PSKH2: variants seen among roughly 807,000 people sequenced by gnomAD.
PSKH2 encodes the protein protein serine kinase H2.
A neutral mutation model predicts 22.5 loss-of-function variants in PSKH2; 16 were observed. The observed-to-expected ratio is 0.71, with a 90% CI of 0.48 to 1.08. PSKH2 has a LOEUF of 1.08. PSKH2 is among the 50% of genes least tolerant of loss of function. PSKH2 has a pLI of 0.00. For missense variants in PSKH2, 516 were observed against 492.8 expected, an observed-to-expected ratio of 1.05 and a Z score of -0.44; for synonymous variants, 188 against 184.8, an observed-to-expected ratio of 1.02 and a Z score of -0.14.
chr8:86,063,701 C>T (rs747377399), intron 2 of PSKH2, among the ~76,000 whole-genome samples: 30 of 152,196 alleles, frequency 2.0e-4, no homozygotes, highest in Non-Finnish European at 3.5e-4. Flanking sequence ...AATGGAGGCC[C>T]TTGCTATCTT....
rs1240522039 is a variant in PSKH2 at position 86,048,598 on chromosome 8, A to G, written c.1022T>C (p.Met341Thr). 2.5e-6 allele frequency: 4 copies of G among 1,613,996 alleles called. No individual in the cohort carries two copies. The highest frequency in any genetic ancestry group is 1.6e-4 in the Middle Eastern group (1 of 6,084). ...CTGAGAGTGGGGAGAGGCCCTCTGCATGAGGTTTCGGGATATGGCCCTCTG... is the reference window on the plus strand; with the variant it reads ...CTGAGAGTGGGGAGAGGCCCTCTGCGTGAGGTTTCGGGATATGGCCCTCTG... ...NLQRAISRNL[M>T]QRASPHSQSP... Residue 341 changes from methionine (M) to threonine (T), a missense_variant, in exon 3 of 3, where the codon ATG (methionine) becomes ACG (threonine). Met to Thr is a moderately conservative substitution (Grantham distance 81). Transcript: ENST00000276616.
Position 86,069,382 on chromosome 8 carries a change from C to A in PSKH2, c.185+56G>T, listed in dbSNP as rs1586068647. 1.9e-5 allele frequency: 28 copies of A among 1,471,968 alleles called. 1 individual carries two copies. In the East Asian group the frequency reaches 6.9e-4, roughly 36 times the overall value. The allele number at this position is 1,471,968 out of a possible 1,614,324, so 91.2% of individuals were successfully genotyped here. On this transcript the variant is annotated intron_variant, in intron 1 of 2. Coordinates refer to ENST00000276616, the MANE Select transcript of PSKH2 (RefSeq NM_033126.3). ...AAGGGAACCTCGAGGCGGTCTTGGC[C>A]AGGGGTTTTTCTTTGTCAGCCCAGT...
At chr8:86,060,400 C>G (rs928336149) in intron 2 of PSKH2, among the ~76,000 whole-genome samples, 1 of 152,128 alleles carries the variant, frequency 6.6e-6, no homozygotes, top group Middle Eastern at 3.4e-3. Context: ...CAGTGGTCAC[C>G]TGGTTTTAAA....
chr8:86,052,126 C>T (rs1350516143), intron 2 of PSKH2, among the ~76,000 whole-genome samples: 1 of 151,972 alleles, frequency 6.6e-6, no homozygotes, highest in Non-Finnish European at 1.5e-5. Context: ...TTTAATAGTG[C>T]TATATAACCA....
intron 2 of PSKH2, among the ~76,000 whole-genome samples, chr8:86,051,377 G>GC (rs902697579): frequency 6.6e-6 from 1 of 152,048 alleles, no homozygotes; most frequent in Non-Finnish European, 1.5e-5. Context: ...CGTAAACACT[G>GC]CCCCCCGCCT....
At chr8:86,063,878 A>G in intron 2 of PSKH2, 87 bp downstream of exon 2, 1 of 1,085,996 alleles carries the variant, frequency 9.2e-7, no homozygotes, top group Non-Finnish European at 1.3e-6. Context: ...AACCCCAAAA[A>G]TCATCCAGTC....
chr8:86,065,174 T>G (rs1336858154), intron 1 of PSKH2, among the ~76,000 whole-genome samples: 1 of 152,186 alleles, frequency 6.6e-6, no homozygotes, highest in East Asian at 1.9e-4. Flanking sequence ...TGGGGGAGAA[T>G]AAAGTAGAAG....
At chr8:86,050,661 A>G (rs1817617429) in intron 2 of PSKH2, among the ~76,000 whole-genome samples, 1 of 152,192 alleles carries the variant, frequency 6.6e-6, no homozygotes, top group Admixed American at 6.5e-5. Flanking sequence ...GGAAAACACT[A>G]CAGTTTAGTG....
At chr8:86,069,767 C>T (rs1817921276), upstream of PSKH2, 1 of 865,698 alleles carries the variant, frequency 1.2e-6, no homozygotes, top group Non-Finnish European at 1.7e-6. Context: ...GGGAGACAGC[C>T]CCCAGGATAC....
chr8:86,047,191 T>C lies in PSKH2; in HGVS notation c.*1271A>G, dbSNP rs1209272750. 3.3e-5 allele frequency among the ~76,000 whole-genome samples: 5 copies of C among 152,226 alleles called. No individual in the cohort carries two copies. Among genetic ancestry groups the C allele is most frequent in the Non-Finnish European group, 5.9e-5 (4 of 68,034 alleles). ...ATTTTTTTCATTTACTCATTAGCCA[T>C]CTATATGTTTATAAACCACCTGGTA... On this transcript the variant is annotated 3_prime_UTR_variant, in exon 3 of 3. Transcript: ENST00000276616.
chr8:86,069,363 A>C, intron 1 of PSKH2, 75 bp downstream of exon 1: 2 of 1,353,310 alleles, frequency 1.5e-6, no homozygotes, highest in Non-Finnish European at 2.0e-6. Context: ...GCTGAAGGGA[A>C]CCTCGAGGCG....
At chr8:86,065,606 G>T (rs1344418736) in intron 1 of PSKH2, among the ~76,000 whole-genome samples, 1 of 152,108 alleles carries the variant, frequency 6.6e-6, no homozygotes, top group Non-Finnish European at 1.5e-5. Context: ...AAGAAAAAAA[G>T]GCCAGGATAT....
At chr8:86,054,192 G>GT (rs1444825919) in intron 2 of PSKH2, among the ~76,000 whole-genome samples, 1 of 139,086 alleles carries the variant, frequency 7.2e-6, no homozygotes, top group Non-Finnish European at 1.6e-5. Context: ...GACAATTATT[G>GT]GTGGATTTAA....
intron 2 of PSKH2, among the ~76,000 whole-genome samples, chr8:86,049,731 A>G (rs1282485828): frequency 5.3e-4 from 26 of 49,428 alleles, no homozygotes; most frequent in African/African-American, 1.4e-3. Context: ...AGAAAGAAAG[A>G]AAGAAAGAAA....
In PSKH2 at chr8:86,051,284, C is replaced by T. The variant is rs1482547353; in HGVS notation, c.853-2517G>A. Among the ~76,000 whole-genome samples, 5 of 152,200 alleles carry T rather than the reference C, an allele frequency of 3.3e-5. No individual in the cohort carries two copies. In the East Asian group the frequency reaches 9.7e-4, roughly 29 times the overall value. On this transcript the variant is annotated intron_variant, in intron 2 of 2. Coordinates refer to ENST00000276616, the MANE Select transcript of PSKH2 (RefSeq NM_033126.3). ...TTGCATTTTTGTAGAAACCGGGTTT[C>T]GCCACGTTAGCCAGGCTGGTCTCAA...
chr8:86,060,452 C>T (rs535165867), intron 2 of PSKH2, among the ~76,000 whole-genome samples: 32 of 152,286 alleles, frequency 2.1e-4, no homozygotes, highest in Admixed American at 9.8e-4. Flanking sequence ...TGGCAATAGA[C>T]GCTAAATATA....
rs1464888013 is a variant in PSKH2, at chr8:86,063,216, T to C, written c.852+749A>G. ...TTAATTTTGCTTAAAGATGTTGCTGTAGATATACACGTTACATTTTAAGTA... is the reference window on the plus strand; with the variant it reads ...TTAATTTTGCTTAAAGATGTTGCTGCAGATATACACGTTACATTTTAAGTA... On this transcript the variant is annotated intron_variant, in intron 2 of 2. Transcript: ENST00000276616. 6.6e-5 allele frequency among the ~76,000 whole-genome samples: 10 copies of C among 152,228 alleles called. No homozygotes were observed. In the East Asian group the frequency reaches 1.7e-3, roughly 26 times the overall value.
At chr8:86,053,757 T>C (rs909592406) in intron 2 of PSKH2, among the ~76,000 whole-genome samples, 2 of 152,142 alleles carry the variant, frequency 1.3e-5, no homozygotes, top group African/African-American at 4.8e-5. Context: ...AAATAAGTAT[T>C]AGGACCAGGA....
chr8:86,058,381 G>A (rs1817733309), intron 2 of PSKH2, among the ~76,000 whole-genome samples: 1 of 152,134 alleles, frequency 6.6e-6, no homozygotes, highest in South Asian at 2.1e-4. Flanking sequence ...CAGCAACTAA[G>A]GATGTTAATT....
Sources: gnomAD v4.1 joint callset for allele counts (sites outside exome capture counted in the v4.1 genomes callset) on GRCh38, gnomAD v4.1.1 for gene constraint, MANE v1.5 for transcripts, NCBI Gene and HGNC (gene_info 2026-07-23, HGNC 2026-07-21) for gene names.